SHANK2: variants seen among roughly 807,000 people sequenced by gnomAD.
SHANK2 encodes SH3 and multiple ankyrin repeat domains 2, also known as SH3 and multiple ankyrin repeat domains protein 2.
SHANK2 carries 43 observed loss-of-function variants against 133.7 expected under a neutral mutation model. The ratio of observed to expected loss-of-function variants is 0.32; its 90% CI spans 0.25 to 0.41. SHANK2 has a LOEUF of 0.41. Ranked by LOEUF, SHANK2 falls within the 10% of genes least tolerant of loss-of-function variation. The probability of loss-of-function intolerance (pLI) is 1.00; values close to 1 mark genes in which losing one functional copy is unlikely to be tolerated. For missense variants in SHANK2, 1,994 were observed against 2,235.8 expected (o/e 0.89, Z 2.18); for synonymous variants, 1,017 against 952.8 (o/e 1.07, Z -1.24).
intron 12 of SHANK2, among the ~76,000 whole-genome samples, chr11:70,808,885 C>T (rs940257149): frequency 6.6e-6 from 1 of 152,182 alleles, no homozygotes; most frequent in African/African-American, 2.4e-5. Flanking sequence ...AAATGGGTCA[C>T]GACCTCGGTT....
chr11:71,090,206 C>A (rs1315171325), intron 8 of SHANK2, among the ~76,000 whole-genome samples: 1 of 73,932 alleles, frequency 1.4e-5, no homozygotes, highest in Admixed American at 1.6e-4. Flanking sequence ...GTGTATGTGT[C>A]CTGCTGCTTC....
At chr11:70,561,679 C>T (rs1591582700) in intron 17 of SHANK2, among the ~76,000 whole-genome samples, 1 of 109,208 alleles carries the variant, frequency 9.2e-6, no homozygotes, top group African/African-American at 3.4e-5. Flanking sequence ...CAGACGTGCA[C>T]CGTCACACCC....
chr11:71,211,721 CCCAA>C (rs1555118905), intron 2 of SHANK2, among the ~76,000 whole-genome samples: 2 of 151,918 alleles, frequency 1.3e-5, no homozygotes, highest in Non-Finnish European at 2.9e-5. Flanking sequence ...TCAGTCTCTC[CCCAA>C]CCACTAATTA....
At chr11:70,834,021 G>A (rs1334737811) in intron 11 of SHANK2, among the ~76,000 whole-genome samples, 1 of 152,222 alleles carries the variant, frequency 6.6e-6, no homozygotes, top group African/African-American at 2.4e-5. Flanking sequence ...CTTAAACCCT[G>A]GGCAAAACCC....
intron 11 of SHANK2, among the ~76,000 whole-genome samples, chr11:70,859,915 C>G (rs935186417): frequency 6.6e-6 from 1 of 152,174 alleles, no homozygotes. Context: ...GACCCGGGGT[C>G]CAGCTCACAG....
At position 70,490,297 on chromosome 11, in the gene SHANK2, T is replaced by C. The variant is rs781951569; in HGVS notation, c.2530A>G (p.Met844Val). 1.4e-5 allele frequency: 22 copies of C among 1,614,198 alleles called. No homozygotes were observed. Among genetic ancestry groups the C allele is most frequent in the Non-Finnish European group, 1.9e-5 (22 of 1,180,014 alleles). The change falls in exon 23 of 26, where the codon ATG becomes GTG. Residue 844 changes from methionine (M) to valine (V), a missense_variant. Met to Val is a conservative substitution (Grantham distance 21, BLOSUM62 1). This residue lies in a region of SHANK2 where 488 missense variants were observed against 642.6 expected (regional missense o/e 0.76). Transcript: ENST00000601538. ...APFLGIPRGT[M>V]RRQKSIDSRI... ...TTACCTATTGATTTCTGCCTTCGCA[T>C]CGTACCTCGAGGGATGCCCAGAAAC...
intron 14 of SHANK2, among the ~76,000 whole-genome samples, chr11:70,724,905 G>C (rs1469979996): frequency 6.6e-6 from 1 of 152,178 alleles, no homozygotes; most frequent in African/African-American, 2.4e-5. Context: ...CACCCTACAG[G>C]GGAGGAGACA....
chr11:70,553,238 C>T (rs1565124390), intron 17 of SHANK2, among the ~76,000 whole-genome samples: 1 of 151,928 alleles, frequency 6.6e-6, no homozygotes, highest in Non-Finnish European at 1.5e-5. Context: ...TACAGCTGCC[C>T]ACCACCACGC....
chr11:70,692,581 C>T (rs989961876), intron 15 of SHANK2, among the ~76,000 whole-genome samples: 14 of 152,154 alleles, frequency 9.2e-5, no homozygotes, highest in African/African-American at 3.1e-4. Flanking sequence ...TTTGCAGGGC[C>T]CTTCTCTAGA....
intron 1 of SHANK2, among the ~76,000 whole-genome samples, chr11:71,250,569 CCA>C (rs1466211779): frequency 5.9e-5 from 9 of 152,328 alleles, no homozygotes; most frequent in African/African-American, 1.9e-4. Context: ...TCTCCTCACT[CCA>C]CCCCCACAGG....
At chr11:70,914,620 C>T (rs1283835808) in intron 10 of SHANK2, among the ~76,000 whole-genome samples, 4 of 144,082 alleles carry the variant, frequency 2.8e-5, no homozygotes, top group Non-Finnish European at 4.5e-5. Context: ...GAGTGTAAGA[C>T]CGGCCTGGGC....
intron 17 of SHANK2, among the ~76,000 whole-genome samples, chr11:70,618,633 T>G (rs1430416038): frequency 6.6e-6 from 1 of 152,216 alleles, no homozygotes; most frequent in Non-Finnish European, 1.5e-5. Context: ...CATTTCAGCT[T>G]GTGAATACGG....
At chr11:71,147,074 G>T in intron 3 of SHANK2, 46 bp downstream of exon 3, 1 of 1,482,102 alleles carries the variant, frequency 6.7e-7, no homozygotes, top group Non-Finnish European at 9.1e-7. Context: ...CAAGCCACAG[G>T]TGACATTGTC....
chr11:70,767,852 T>G (rs1314727489), intron 14 of SHANK2, among the ~76,000 whole-genome samples: 1 of 152,172 alleles, frequency 6.6e-6, no homozygotes, highest in Non-Finnish European at 1.5e-5. Flanking sequence ...TTCGCCTGAA[T>G]CAAAACACAA....
intron 17 of SHANK2, among the ~76,000 whole-genome samples, chr11:70,530,617 G>A (rs887465512): frequency 4.6e-5 from 7 of 152,204 alleles, no homozygotes; most frequent in African/African-American, 9.7e-5. Flanking sequence ...CATGCTCAGC[G>A]AAATAAGCCA....
chr11:70,853,512 G>C (rs1590760336), intron 11 of SHANK2, among the ~76,000 whole-genome samples: 1 of 152,298 alleles, frequency 6.6e-6, no homozygotes, highest in South Asian at 2.1e-4. Flanking sequence ...TATGGCCAGG[G>C]GGGATGCCTC....
At chr11:71,168,121 A>G (rs1382427380) in intron 2 of SHANK2, among the ~76,000 whole-genome samples, 159 of 127,956 alleles carry the variant, frequency 1.2e-3, no homozygotes, top group African/African-American at 4.6e-3. Context: ...GGCGGTTGCC[A>G]GGCAGAGGGT....
chr11:70,523,913 G>A (rs1282343856), intron 17 of SHANK2, among the ~76,000 whole-genome samples: 6 of 152,218 alleles, frequency 3.9e-5, no homozygotes, highest in East Asian at 1.9e-4. Flanking sequence ...GTGCTGCTCC[G>A]CACGGCCACT....
chr11:70,483,489 A>C (rs1555152244), intron 25 of SHANK2, among the ~76,000 whole-genome samples: 2 of 141,728 alleles, frequency 1.4e-5, no homozygotes. Flanking sequence ...GTTTGAGCCC[A>C]GGAGTTCGAG....
Sources: allele counts gnomAD v4.1 joint callset (sites outside exome capture counted in the v4.1 genomes callset), GRCh38; gene constraint gnomAD v4.1.1; regional missense constraint gnomAD v4.1.1; transcripts MANE v1.5; gene names NCBI Gene and HGNC (gene_info 2026-07-23, HGNC 2026-07-21).